Variants in GLP2R observed in about 807,000 individuals in gnomAD.
GLP2R encodes glucagon-like peptide 2 receptor.
GLP2R carries 59 observed loss-of-function variants against 68.2 expected under a neutral mutation model. That is an observed-to-expected ratio of 0.87 (90% CI 0.70 to 1.07). The LOEUF is 1.07. Ranked by LOEUF, GLP2R falls within the 50% of genes least tolerant of loss-of-function variation. The pLI is 0.00. For synonymous variants in GLP2R, 270 were observed against 265.4 expected (o/e 1.02, Z -0.17); for missense variants, 548 against 677.4 (o/e 0.81, Z 2.12).
chr17:9,877,175 G>T (rs928576301), intron 10 of GLP2R, among the ~76,000 whole-genome samples: 4 of 152,174 alleles, frequency 2.6e-5, no homozygotes, highest in African/African-American at 7.2e-5. Context: ...ATAAGCAGAT[G>T]CTCAATAAAT....
Position 9,826,073 on chromosome 17 carries a change from G to T in GLP2R, c.10G>T (p.Gly4Ter). The stretch of plus-strand genomic sequence containing the variant: ...AAGGTGCACGAGGAAGATGAAGCTG[G>T]GATCGAGCAGGGCAGGGCCTGGGAG... MKL[G>*]SSRAGPGRGS... is the part of the protein sequence containing the mutation. Residue 4 changes from glycine (G) to a stop codon, truncating the protein, a stop_gained, in exon 1 of 13, where the codon GGA (glycine) becomes TGA (stop). Coordinates refer to ENST00000262441, the MANE Select transcript of GLP2R (RefSeq NM_004246.3). LOFTEE classifies it high-confidence loss of function. 1 of 1,611,360 alleles carries T rather than the reference G, an allele frequency of 6.2e-7. No individual in the cohort carries two copies.
Position 9,889,653 on chromosome 17 carries a change from A to G in GLP2R, c.1610A>G (p.Asp537Gly). The G allele has an allele frequency of 6.2e-7, 1 of 1,608,128 alleles. No individual in the cohort carries two copies. Among genetic ancestry groups the G allele is most frequent in the South Asian group, 1.1e-5 (1 of 90,706 alleles). ...AGCCTGTCCGAGTGCAGTGAGGGGG[A>G]TGTCACCATGGCCAACACCATGGAG... ...GSSLSECSEG[D>G]VTMANTMEEI... Residue 537 changes from aspartate to glycine, a missense_variant, in exon 13 of 13, where the codon GAT becomes GGT. Asp to Gly is a moderately conservative substitution (Grantham distance 94). Coordinates refer to ENST00000262441, the MANE Select transcript of GLP2R (RefSeq NM_004246.3).
chr17:9,889,795 C>T lies in GLP2R; in HGVS notation c.*90C>T, dbSNP rs1056834907. ...AAAGCAGGACACACGTTGCTGGGCA[C>T]GGAATCATTCTCGTTCCATTCACCA... On this transcript the variant is annotated 3_prime_UTR_variant, in exon 13 of 13. Transcript: ENST00000262441. 2.7e-4 allele frequency: 202 copies of T among 761,894 alleles called. No individual in the cohort carries two copies. The highest frequency in any genetic ancestry group is 1.1e-3 in the Middle Eastern group (3 of 2,632). The allele number at this position is 761,894 out of a possible 1,614,324, so 47.2% of individuals were successfully genotyped here.
At chr17:9,842,714 G>A (rs538132427) in intron 4 of GLP2R, 98 bp downstream of exon 4, 2 of 1,309,328 alleles carry the variant, frequency 1.5e-6, no homozygotes, top group Non-Finnish European at 2.1e-6. Context: ...CACACAAAGA[G>A]GCTTCTCCAG....
At chr17:9,828,759 G>A (rs961415319) in intron 1 of GLP2R, among the ~76,000 whole-genome samples, 1 of 152,168 alleles carries the variant, frequency 6.6e-6, no homozygotes, top group Non-Finnish European at 1.5e-5. Context: ...TACAACAGCG[G>A]AATCTGCAGA....
At chr17:9,826,766 T>C (rs547182915) in intron 1 of GLP2R, among the ~76,000 whole-genome samples, 2 of 152,368 alleles carry the variant, frequency 1.3e-5, no homozygotes, top group African/African-American at 4.8e-5. Context: ...AAATGCAAAC[T>C]ACAAATCACT....
At chr17:9,870,257 T>C (rs2067080029) in intron 9 of GLP2R, among the ~76,000 whole-genome samples, 1 of 152,184 alleles carries the variant, frequency 6.6e-6, no homozygotes, top group Non-Finnish European at 1.5e-5. Flanking sequence ...ATAAAAATAG[T>C]TGTGGCTACC....
intron 10 of GLP2R, among the ~76,000 whole-genome samples, chr17:9,876,083 G>A (rs980555979): frequency 2.0e-5 from 3 of 152,050 alleles, no homozygotes; most frequent in Non-Finnish European, 2.9e-5. Context: ...CTCCATGTTG[G>A]TCAGGCTGGT....
rs115829319 is a variant in GLP2R, at chr17:9,826,096, G to A, written c.33G>A (p.Gly11=). 23,273 of 1,612,954 alleles carry A rather than the reference G, an allele frequency of 0.014. 191 individuals carry two copies. Among genetic ancestry groups the A allele is most frequent in the Non-Finnish European group, 0.016 (19,460 of 1,179,622 alleles). The change falls in exon 1 of 13, where the codon GGG becomes GGA. Residue 11 remains glycine (G), a synonymous_variant. Transcript: ENST00000262441. ...TGGGATCGAGCAGGGCAGGGCCTGG[G>A]AGAGGAAGCGCGGGACTCCTGCCTG... MKLGSSRAGP[G]RGSAGLLPGV...
intron 10 of GLP2R, among the ~76,000 whole-genome samples, chr17:9,873,220 G>A (rs2067111380): frequency 1.3e-5 from 2 of 152,230 alleles, no homozygotes; most frequent in Admixed American, 6.5e-5. Flanking sequence ...AGTGGACAGA[G>A]GCTAGTGTTT....
In GLP2R at chr17:9,880,432, C is replaced by T; in HGVS notation, c.1200C>T (p.Leu400=). ...CTTTATTGGGCGTTCATGAGATCCT[C>T]TTCTCTTTCATCACTGATGATCAAG... The part of the protein sequence containing the change: ...LIPLLGVHEI[L]FSFITDDQVE... Residue 400 remains leucine (L), a synonymous_variant, in exon 11 of 13, where the codon CTC becomes CTT. Transcript: ENST00000262441. 1 of 1,602,084 alleles carries T rather than the reference C, an allele frequency of 6.2e-7. No individual in the cohort carries two copies. Among genetic ancestry groups the T allele is most frequent in the Non-Finnish European group, 8.5e-7 (1 of 1,170,670 alleles).
chr17:9,871,391 G>C (rs1443613646), intron 10 of GLP2R, among the ~76,000 whole-genome samples: 1 of 151,744 alleles, frequency 6.6e-6, no homozygotes, highest in Non-Finnish European at 1.5e-5. Flanking sequence ...TGTGGGAAAA[G>C]GACAGTCTTG....
chr17:9,862,592 A>G lies in GLP2R; in HGVS notation c.1056+502A>G, dbSNP rs374265309. 2.2e-4 allele frequency among the ~76,000 whole-genome samples: 33 copies of G among 152,296 alleles called. No homozygotes were observed. In the South Asian group the frequency reaches 6.4e-3, roughly 30 times the overall value. Reference sequence around the variant, plus strand: ...CCTTAGGGAGGAAGGACCTTTAATCATTGTGGTCCAGAATATTTGGAATGG... The same window carrying G: ...CCTTAGGGAGGAAGGACCTTTAATCGTTGTGGTCCAGAATATTTGGAATGG... On this transcript the variant is annotated intron_variant, in intron 9 of 12. Transcript: ENST00000262441.
rs752406323 is a variant in GLP2R, at chr17:9,861,174, G to T, written c.961G>T (p.Ala321Ser). 26 of 1,612,936 alleles carry T rather than the reference G, an allele frequency of 1.6e-5. No individual in the cohort carries two copies. The Admixed American group carries it at 3.7e-4, about 23-fold the overall frequency. The change falls in exon 8 of 13, where the codon GCC becomes TCC. Residue 321 changes from alanine (A) to serine (S), a missense_variant. Coordinates refer to ENST00000262441, the MANE Select transcript of GLP2R (RefSeq NM_004246.3). ...PVLFVVPWGF[A>S]RAHLENTGCW... is the part of the protein sequence containing the mutation. ...GCTATTTGTTGTACCCTGGGGTTTC[G>T]CCCGTGCACACCTGGAGAACACAGG...
At chr17:9,858,254 T>G (rs960681530) in intron 6 of GLP2R, among the ~76,000 whole-genome samples, 5 of 152,262 alleles carry the variant, frequency 3.3e-5, no homozygotes, top group African/African-American at 1.2e-4. Context: ...CACATTGAAA[T>G]CTGCATCTAT....
chr17:9,888,240 G>C (rs74897023), intron 12 of GLP2R, among the ~76,000 whole-genome samples: 1 of 152,276 alleles, frequency 6.6e-6, no homozygotes, highest in East Asian at 1.9e-4. Context: ...AAATGTGACA[G>C]AGGAAACAAG....
At chr17:9,826,914 C>T (rs1240345533) in intron 1 of GLP2R, among the ~76,000 whole-genome samples, 1 of 152,150 alleles carries the variant, frequency 6.6e-6, no homozygotes. Context: ...CTCTGTCGCC[C>T]AGGCTGAAGT....
intron 12 of GLP2R, among the ~76,000 whole-genome samples, chr17:9,888,242 G>A (rs1022570464): frequency 6.6e-6 from 1 of 152,124 alleles, no homozygotes; most frequent in Admixed American, 6.5e-5. Context: ...ATGTGACAGA[G>A]GAAACAAGCT....
intron 11 of GLP2R, among the ~76,000 whole-genome samples, chr17:9,881,154 C>T (rs1320277644): frequency 6.6e-6 from 1 of 152,140 alleles, no homozygotes; most frequent in East Asian, 1.9e-4. Flanking sequence ...GTGATGCCTC[C>T]TGGGGCTGGA....
Sources: gnomAD v4.1 joint callset for allele counts (sites outside exome capture counted in the v4.1 genomes callset) on GRCh38, gnomAD v4.1.1 for gene constraint, MANE v1.5 for transcripts, NCBI Gene and HGNC (gene_info 2026-07-23, HGNC 2026-07-21) for gene names.